Variants in NECAP2 observed in about 807,000 individuals in gnomAD.
The protein encoded by NECAP2 is adaptin ear-binding coat-associated protein 2.
NECAP2 carries 38 observed loss-of-function variants against 37.8 expected under a neutral mutation model. The ratio of observed to expected loss-of-function variants is 1.01; its 90% confidence interval spans 0.78 to 1.32. The LOEUF is 1.32. Among genes scored for constraint, NECAP2 ranks in the 40% most tolerant of loss-of-function variants. NECAP2 has a pLI of 0.00. For missense variants in NECAP2, 316 were observed against 334.5 expected (o/e 0.94, Z 0.43); for synonymous variants, 121 against 127.7 (o/e 0.95, Z 0.35).
intron 2 of NECAP2, among the ~76,000 whole-genome samples, chr1:16,446,146 C>T (rs821171): frequency 0.52 from 78,914 of 151,942 alleles, 21,726 homozygotes; most frequent in East Asian, 0.73. Flanking sequence ...AGGTGGAGGT[C>T]GCAGTGAGCC....
At chr1:16,451,578 T>TA (rs2086843250) in intron 5 of NECAP2, 3 of 521,784 alleles carry the variant, frequency 5.7e-6, no homozygotes, top group Admixed American at 3.7e-5. Context: ...CGTGTAATGG[T>TA]ATATCATTAT....
intron 6 of NECAP2, among the ~76,000 whole-genome samples, chr1:16,452,419 T>G (rs1227109398): frequency 6.6e-6 from 1 of 152,046 alleles, no homozygotes; most frequent in Non-Finnish European, 1.5e-5. Context: ...GCTGCTGTGA[T>G]CTGGAGAGGT....
At chr1:16,451,030 G>A (rs1400576725) in intron 5 of NECAP2, 2 of 152,130 alleles carry the variant, frequency 1.3e-5, no homozygotes, top group African/African-American at 2.4e-5. Context: ...CAGCACTCTG[G>A]AAACACCTCT....
chr1:16,448,011 A>C (rs1218384458), intron 3 of NECAP2, 37 bp downstream of exon 3: 2 of 1,613,790 alleles, frequency 1.2e-6, no homozygotes, highest in African/African-American at 2.7e-5. Flanking sequence ...CTCTTGGGAA[A>C]GGTTTTCTCT....
intron 5 of NECAP2, chr1:16,450,236 G>T: frequency 2.5e-6 from 1 of 407,792 alleles, no homozygotes; most frequent in Non-Finnish European, 4.8e-6. Context: ...ATCAGCTGAG[G>T]GCCAGGTAGT....
rs1487412144 is a variant in NECAP2 at position 16,459,115 on chromosome 1, A to C, written c.*225A>C. On this transcript the variant is annotated 3_prime_UTR_variant, in exon 8 of 8. Coordinates refer to ENST00000337132, the MANE Select transcript of NECAP2 (RefSeq NM_018090.5). ...TATGCAACCAGAACACAGGAGAAGA[A>C]AAGCTCCAGGATCCCTGTCCCCATC... 2 of 1,009,932 alleles carry C rather than the reference A, an allele frequency of 2.0e-6. No individual in the cohort carries two copies. 62.6% of individuals were successfully genotyped at this position (1,009,932 alleles called of 1,614,324 possible). A position where few individuals can be genotyped will look rare whatever the true frequency, so the allele number is the denominator to read the frequency against.
intron 1 of NECAP2, among the ~76,000 whole-genome samples, chr1:16,443,242 TG>T (rs1325128824): frequency 6.6e-6 from 1 of 152,250 alleles, no homozygotes; most frequent in Non-Finnish European, 1.5e-5. Flanking sequence ...AGTGTGTTTT[TG>T]TATGGTTCAC....
intron 5 of NECAP2, chr1:16,450,254 T>C (rs1557689114): frequency 5.2e-6 from 2 of 388,320 alleles, no homozygotes. Context: ...AGTGGTTTTT[T>C]TTTGTTTTGT....
intron 6 of NECAP2, among the ~76,000 whole-genome samples, chr1:16,452,316 G>A (rs766142707): frequency 1.3e-5 from 2 of 152,188 alleles, no homozygotes; most frequent in Admixed American, 1.3e-4. Context: ...TATTGAGTGA[G>A]TGGGTAATGG....
At chr1:16,449,318 C>A in intron 5 of NECAP2, 117 bp downstream of exon 5, 1 of 677,162 alleles carries the variant, frequency 1.5e-6, no homozygotes, top group Non-Finnish European at 2.5e-6. Context: ...TAGTGAGCAT[C>A]TGCCTTGTGC....
At chr1:16,449,401 A>G in intron 5 of NECAP2, 200 bp downstream of exon 5, 2 of 538,574 alleles carry the variant, frequency 3.7e-6, no homozygotes, top group Non-Finnish European at 6.6e-6. Context: ...ACAGGCAGGT[A>G]AAAATGTGAT....
At chr1:16,456,039 T>TG in intron 7 of NECAP2, 146 bp downstream of exon 7, 1 of 615,788 alleles carries the variant, frequency 1.6e-6, no homozygotes, top group Non-Finnish European at 2.8e-6. Context: ...TTTTTTTTTT[T>TG]TGAGAGGGAG....
intron 7 of NECAP2, among the ~76,000 whole-genome samples, chr1:16,456,097 C>G (rs574250251): frequency 2.0e-5 from 3 of 149,854 alleles, no homozygotes; most frequent in Non-Finnish European, 4.4e-5. Flanking sequence ...GATCTTGGCT[C>G]GCTGCAACCT....
At chr1:16,446,253 T>C (rs1185185448) in intron 2 of NECAP2, among the ~76,000 whole-genome samples, 2 of 152,110 alleles carry the variant, frequency 1.3e-5, no homozygotes, top group African/African-American at 4.8e-5. Context: ...CAGGATTCAG[T>C]AGAAGATATA....
At chr1:16,444,962 C>G (rs1412994093) in intron 2 of NECAP2, among the ~76,000 whole-genome samples, 1 of 152,196 alleles carries the variant, frequency 6.6e-6, no homozygotes, top group Non-Finnish European at 1.5e-5. Context: ...GCTGGGATTA[C>G]AGGCGCCCCC....
chr1:16,457,646 T>C (rs2086940235), intron 7 of NECAP2, among the ~76,000 whole-genome samples: 1 of 152,102 alleles, frequency 6.6e-6, no homozygotes, highest in African/African-American at 2.4e-5. Flanking sequence ...ACAAAAGACA[T>C]TCTATTTATA....
At chr1:16,453,730 G>C (rs1178065159) in intron 6 of NECAP2, among the ~76,000 whole-genome samples, 3 of 152,026 alleles carry the variant, frequency 2.0e-5, no homozygotes, top group Non-Finnish European at 4.4e-5. Context: ...CTCGTGATCT[G>C]CCCGCCTCAG....
At chr1:16,448,787 C>T (rs1445892518) in intron 4 of NECAP2, among the ~76,000 whole-genome samples, 2 of 152,214 alleles carry the variant, frequency 1.3e-5, no homozygotes, top group Admixed American at 6.5e-5. Context: ...GGCAGGCTCT[C>T]ACGTGTCCTA....
At chr1:16,456,860 C>G (rs2086928166) in intron 7 of NECAP2, among the ~76,000 whole-genome samples, 1 of 152,118 alleles carries the variant, frequency 6.6e-6, no homozygotes, top group Non-Finnish European at 1.5e-5. Context: ...CATCACCATG[C>G]CAGCTATTTT....
Sources: gnomAD v4.1 joint callset for allele counts (sites outside exome capture counted in the v4.1 genomes callset) on GRCh38, gnomAD v4.1.1 for gene constraint, MANE v1.5 for transcripts, NCBI Gene and HGNC (gene_info 2026-07-23, HGNC 2026-07-21) for gene names.